TMEM131: variants seen among roughly 807,000 people sequenced by gnomAD.
The protein encoded by TMEM131 is transmembrane protein 131.
In TMEM131, 66 loss-of-function variants were observed where a neutral mutation model predicts 211.6. That is an observed-to-expected ratio of 0.31 (90% CI 0.26 to 0.38). The LOEUF (loss-of-function observed/expected upper bound fraction) is 0.38, where lower values mean the gene tolerates loss of function less well. TMEM131 is among the 10% of genes least tolerant of loss of function. The pLI is 1.00. For missense variants in TMEM131, 2,036 were observed against 2,299.3 expected (o/e 0.89, Z 2.34); for synonymous variants, 844 against 841.3 (o/e 1.00, Z -0.06).
intron 1 of TMEM131, among the ~76,000 whole-genome samples, chr2:97,946,777 A>G (rs1426409288): frequency 2.0e-5 from 3 of 152,034 alleles, no homozygotes; most frequent in Non-Finnish European, 4.4e-5. Flanking sequence ...ATTAAAACAA[A>G]AAAACTACAG....
rs986778897 is a variant in TMEM131, at chr2:97,812,467, G to C, written c.1817C>G (p.Ser606Ter). 1.2e-6 allele frequency: 2 copies of C among 1,613,032 alleles called. No homozygotes were observed. The highest frequency in any genetic ancestry group is 3.3e-5 in the Admixed American group (2 of 59,842). The change falls in exon 17 of 41, where the codon TCA becomes TGA. Residue 606 changes from serine (S) to a stop codon, truncating the protein, a stop_gained. Coordinates refer to ENST00000186436, the MANE Select transcript of TMEM131 (RefSeq NM_015348.2). LOFTEE classifies it high-confidence loss of function. ...VERGNRTTII[S>*]SLPEFEKSSL... is the part of the protein sequence containing the mutation. Reference sequence around the variant, plus strand: ...GGATTTTTCAAACTCTGGCAGGCTTGAAATTATTGTAGTTCTATTGCCTCT... The same window carrying C: ...GGATTTTTCAAACTCTGGCAGGCTTCAAATTATTGTAGTTCTATTGCCTCT...
At chr2:97,820,026 A>T (rs1444989630) in intron 11 of TMEM131, among the ~76,000 whole-genome samples, 1 of 152,226 alleles carries the variant, frequency 6.6e-6, no homozygotes, top group Non-Finnish European at 1.5e-5. Context: ...GATCAAAGAC[A>T]CTGCTAGAGC....
At chr2:97,774,334 G>A (rs972716780) in intron 32 of TMEM131, among the ~76,000 whole-genome samples, 3 of 152,356 alleles carry the variant, frequency 2.0e-5, no homozygotes, top group South Asian at 2.1e-4. Flanking sequence ...GACTGAATGG[G>A]TAGAACAGAA....
intron 4 of TMEM131, among the ~76,000 whole-genome samples, chr2:97,865,273 T>G (rs1018724347): frequency 1.3e-5 from 2 of 152,240 alleles, no homozygotes; most frequent in Non-Finnish European, 2.9e-5. Context: ...AATGTTGTGA[T>G]AGATTGTAAT....
chr2:97,840,695 G>A (rs1002196989), intron 7 of TMEM131, among the ~76,000 whole-genome samples: 2 of 151,428 alleles, frequency 1.3e-5, no homozygotes, highest in South Asian at 4.2e-4. Flanking sequence ...GTATCAAAAG[G>A]ACGTAAACAA....
chr2:97,827,713 C>T (rs959181746), intron 11 of TMEM131, among the ~76,000 whole-genome samples: 5 of 151,270 alleles, frequency 3.3e-5, no homozygotes, highest in African/African-American at 1.2e-4. Flanking sequence ...AGTGTAAATG[C>T]TTTTTTTTAA....
chr2:97,896,704 T>G (rs1675628175), intron 3 of TMEM131, among the ~76,000 whole-genome samples: 1 of 152,018 alleles, frequency 6.6e-6, no homozygotes, highest in Non-Finnish European at 1.5e-5. Flanking sequence ...AGGAGTATTC[T>G]TGTGCCATTG....
intron 1 of TMEM131, among the ~76,000 whole-genome samples, chr2:97,966,143 T>C (rs753060792): frequency 3.3e-5 from 5 of 151,630 alleles, no homozygotes; most frequent in Non-Finnish European, 7.4e-5. Flanking sequence ...ATCTAGTATG[T>C]TAGAATAATT....
intron 3 of TMEM131, among the ~76,000 whole-genome samples, chr2:97,890,392 C>T (rs536631556): frequency 1.3e-5 from 2 of 152,194 alleles, no homozygotes; most frequent in East Asian, 3.9e-4. Flanking sequence ...TATTTGGAAG[C>T]TTGAGAAAAC....
At chr2:97,789,740 C>T (rs937182587) in intron 31 of TMEM131, among the ~76,000 whole-genome samples, 2 of 152,188 alleles carry the variant, frequency 1.3e-5, no homozygotes, top group African/African-American at 4.8e-5. Flanking sequence ...TTTTAGCCCT[C>T]AATCCTGCAG....
At chr2:97,761,909 C>A in intron 36 of TMEM131, 126 bp downstream of exon 36, 2 of 1,134,186 alleles carry the variant, frequency 1.8e-6, no homozygotes, top group Non-Finnish European at 2.4e-6. Flanking sequence ...TCCACACAAG[C>A]TGGCAGCCAT....
intron 3 of TMEM131, among the ~76,000 whole-genome samples, chr2:97,892,545 T>A (rs1280818201): frequency 6.6e-6 from 1 of 152,130 alleles, no homozygotes; most frequent in African/African-American, 2.4e-5. Context: ...TTATTTTTTG[T>A]AGATACAGGG....
At chr2:97,994,403 G>A (rs1680398149) in intron 1 of TMEM131, among the ~76,000 whole-genome samples, 1 of 152,188 alleles carries the variant, frequency 6.6e-6, no homozygotes, top group African/African-American at 2.4e-5. Context: ...AAAAATAAAA[G>A]AAACAGTATA....
chr2:97,910,654 C>A (rs997151400), intron 2 of TMEM131, among the ~76,000 whole-genome samples: 2 of 152,160 alleles, frequency 1.3e-5, no homozygotes, highest in African/African-American at 4.8e-5. Context: ...TAATGATTGC[C>A]ATTCTAACCG....
chr2:97,795,674 C>A (rs1020964910), intron 28 of TMEM131, among the ~76,000 whole-genome samples: 4 of 152,138 alleles, frequency 2.6e-5, no homozygotes, highest in Admixed American at 2.6e-4. Flanking sequence ...CATTAAAGAT[C>A]ACTAAATTAA....
rs781196054 is a variant in TMEM131, at chr2:97,757,240, G to C, written c.5511C>G (p.Ser1837=). ...AGGTGGAGGGAGCGTGAGGAGCAGG[G>C]GAGTTTTCTGTGCCCATGAGGCCGA... ...ASIGLMGTEN[S]PAPHAPSTSS... Residue 1837 remains serine, a synonymous_variant, in exon 41 of 41, where the codon TCC becomes TCG. Coordinates refer to ENST00000186436, the MANE Select transcript of TMEM131 (RefSeq NM_015348.2). 1.9e-6 allele frequency: 3 copies of C among 1,613,894 alleles called. No homozygotes were observed. The highest frequency in any genetic ancestry group is 2.5e-6 in the Non-Finnish European group (3 of 1,179,904).
At chr2:97,865,456 G>A (rs1000274155) in intron 4 of TMEM131, among the ~76,000 whole-genome samples, 7 of 152,100 alleles carry the variant, frequency 4.6e-5, no homozygotes, top group African/African-American at 1.2e-4. Flanking sequence ...AGAAAATCCC[G>A]TCTATCCTAG....
At chr2:97,771,814 C>T (rs558780701) in intron 33 of TMEM131, among the ~76,000 whole-genome samples, 24 of 152,308 alleles carry the variant, frequency 1.6e-4, no homozygotes, top group African/African-American at 4.8e-4. Flanking sequence ...ATGGTAGAAC[C>T]GTCTGACTGG....
intron 2 of TMEM131, among the ~76,000 whole-genome samples, chr2:97,916,431 G>A (rs923282295): frequency 2.0e-5 from 3 of 152,226 alleles, no homozygotes; most frequent in African/African-American, 7.2e-5. Context: ...GGGAAAGTCT[G>A]TAAAAGCAGC....
Sources: allele counts gnomAD v4.1 joint callset (sites outside exome capture counted in the v4.1 genomes callset), GRCh38; gene constraint gnomAD v4.1.1; transcripts MANE v1.5; gene names NCBI Gene and HGNC (gene_info 2026-07-23, HGNC 2026-07-21).